The following WDR43 variants were observed in gnomAD, a reference collection of about 807,000 sequenced individuals.
WDR43 encodes WD repeat-containing protein 43.
In WDR43, 13 loss-of-function variants were observed where a neutral mutation model predicts 91.4. That is an observed-to-expected ratio of 0.14 (90% CI 0.09 to 0.23). The LOEUF is 0.23. Ranked by LOEUF, WDR43 falls within the 10% of genes least tolerant of loss-of-function variation. The pLI is 1.00. For synonymous variants in WDR43, 331 were observed against 287.9 expected (o/e 1.15, Z -1.51); for missense variants, 780 against 809.4 (o/e 0.96, Z 0.44).
chr2:28,922,822 TGTAA>T, intron 6 of WDR43, 93 bp from the exon 7 acceptor site: 1 of 444,278 alleles, frequency 2.3e-6, no homozygotes, highest in Non-Finnish European at 3.7e-6. Flanking sequence ...TTTCTGGTTG[TGTAA>T]TGGGGTGGGA....
chr2:28,921,941 C>T (rs1017647392), intron 6 of WDR43, among the ~76,000 whole-genome samples: 9 of 152,126 alleles, frequency 5.9e-5, no homozygotes, highest in Admixed American at 5.9e-4. Flanking sequence ...CTCGAACTTC[C>T]AGGCTCTAGC....
chr2:28,906,243 C>G (rs1190476349), intron 2 of WDR43, among the ~76,000 whole-genome samples: 2 of 152,116 alleles, frequency 1.3e-5, no homozygotes, highest in Non-Finnish European at 2.9e-5. Flanking sequence ...CTTTCACATC[C>G]TCTGCCAATG....
chr2:28,913,723 A>G (rs1450383511), intron 4 of WDR43: 1 of 532,244 alleles, frequency 1.9e-6, no homozygotes, highest in Non-Finnish European at 3.7e-6. Flanking sequence ...ATGAGGACCT[A>G]CAATTCCTTG....
intron 5 of WDR43, 45 bp downstream of exon 5, chr2:28,914,253 G>A (rs1200326540): frequency 6.3e-7 from 1 of 1,581,210 alleles, no homozygotes; most frequent in Non-Finnish European, 8.6e-7. Context: ...GAAAGAATCT[G>A]TCAGAGCTTA....
chr2:28,944,704 C>T (rs1480523368), intron 16 of WDR43, among the ~76,000 whole-genome samples: 1 of 152,182 alleles, frequency 6.6e-6, no homozygotes, highest in African/African-American at 2.4e-5. Context: ...TGTGTAGCAT[C>T]GTGTAATTGT....
chr2:28,935,903 T>C (rs1671329735), intron 12 of WDR43, among the ~76,000 whole-genome samples: 2 of 152,180 alleles, frequency 1.3e-5, no homozygotes, highest in Admixed American at 6.5e-5. Context: ...GTACAGGATA[T>C]CATCTACATG....
intron 16 of WDR43, 143 bp from the exon 17 acceptor site, chr2:28,946,307 A>G: frequency 1.1e-6 from 1 of 917,698 alleles, no homozygotes; most frequent in Non-Finnish European, 1.5e-6. Flanking sequence ...AAATAATAAA[A>G]TAATGTTATT....
intron 16 of WDR43, among the ~76,000 whole-genome samples, chr2:28,944,030 G>C (rs1671495384): frequency 6.6e-6 from 1 of 152,302 alleles, no homozygotes; most frequent in African/African-American, 2.4e-5. Context: ...TATGAACAGA[G>C]GACCTGTGGG....
chr2:28,927,495 G>C (rs1399009497), intron 9 of WDR43, 74 bp from the exon 10 acceptor site: 2 of 1,544,818 alleles, frequency 1.3e-6, no homozygotes, highest in Non-Finnish European at 1.8e-6. Context: ...TTTAAAAGCT[G>C]TTTTCTCATT....
In WDR43 at chr2:28,922,943, A is replaced by G; in HGVS notation, c.874A>G (p.Arg292Gly). ...EEPVKLAVVCRDGQVHLFEHI... is the reference protein window; with the variant it reads ...EEPVKLAVVCGDGQVHLFEHI... The stretch of plus-strand genomic sequence containing the variant: ...GCCTGTCAAGTTGGCTGTTGTTTGC[A>G]GAGATGGTCAAGTCCATCTTTTTGA... The change falls in exon 7 of 18, where the codon AGA (arginine) becomes GGA (glycine). Residue 292 changes from arginine to glycine, a missense_variant. Physicochemically the swap from Arg to Gly is moderately radical, Grantham distance 125. Coordinates refer to ENST00000407426, the MANE Select transcript of WDR43 (RefSeq NM_015131.3). The G allele has an allele frequency of 6.2e-7, 1 of 1,612,702 alleles. No homozygotes were observed. The highest frequency in any genetic ancestry group is 1.1e-5 in the South Asian group (1 of 90,750).
rs377668188 is a variant in WDR43 at position 28,922,891 on chromosome 2, T to A, written c.850-28T>A. ...GGGGACTGGAGTATGTTATCCATTATAATACGTTGGTTACATTTTTCTTTT... is the reference window on the plus strand; with the variant it reads ...GGGGACTGGAGTATGTTATCCATTAAAATACGTTGGTTACATTTTTCTTTT... On this transcript the variant is annotated intron_variant, in intron 6 of 17. Transcript: ENST00000407426. 4.1e-5 allele frequency: 66 copies of A among 1,601,090 alleles called. No homozygotes were observed. The African/African-American group carries it at 8.2e-4, about 20-fold the overall frequency.
At chr2:28,895,163 G>T in intron 1 of WDR43, 1 of 354,074 alleles carries the variant, frequency 2.8e-6, no homozygotes, top group Non-Finnish European at 5.0e-6. Context: ...CCTGCCGGCT[G>T]GCCCAATGAG....
intron 7 of WDR43, among the ~76,000 whole-genome samples, chr2:28,923,436 C>T (rs1024983331): frequency 2.6e-5 from 4 of 152,108 alleles, no homozygotes; most frequent in Non-Finnish European, 4.4e-5. Flanking sequence ...CATTTGTGGT[C>T]TGGAGAACCT....
chr2:28,938,602 A>T (rs1463104538), intron 14 of WDR43, among the ~76,000 whole-genome samples: 1 of 151,986 alleles, frequency 6.6e-6, no homozygotes, highest in African/African-American at 2.4e-5. Context: ...GCTTTACTTT[A>T]AGCTTTAAGT....
intron 1 of WDR43, among the ~76,000 whole-genome samples, chr2:28,898,340 CA>C (rs1400244399): frequency 5.3e-5 from 8 of 152,168 alleles, no homozygotes; most frequent in African/African-American, 1.9e-4. Flanking sequence ...TAGGGCAGTT[CA>C]CATGTGCTGT....
chr2:28,897,334 C>T (rs1003543832), intron 1 of WDR43, among the ~76,000 whole-genome samples: 20 of 152,158 alleles, frequency 1.3e-4, no homozygotes, highest in African/African-American at 4.3e-4. Context: ...TTATTAAACC[C>T]TTCCTTTTAT....
intron 14 of WDR43, among the ~76,000 whole-genome samples, chr2:28,939,314 A>C (rs1337240705): frequency 6.6e-6 from 1 of 152,196 alleles, no homozygotes; most frequent in Non-Finnish European, 1.5e-5. Context: ...CAAATGGGGC[A>C]ACACTAATGT....
At chr2:28,923,862 GC>G (rs1419780303) in intron 7 of WDR43, among the ~76,000 whole-genome samples, 1 of 152,122 alleles carries the variant, frequency 6.6e-6, no homozygotes, top group African/African-American at 2.4e-5. Context: ...GACTACCTGG[GC>G]AGTGGCAAAC....
intron 6 of WDR43, among the ~76,000 whole-genome samples, chr2:28,920,992 C>CT (rs1231897224): frequency 2.5e-4 from 37 of 146,460 alleles, no homozygotes; most frequent in African/African-American, 8.3e-4. Context: ...TGAATTTTTA[C>CT]TTTCTCTTTT....
Sources: gnomAD v4.1 joint callset for allele counts (sites outside exome capture counted in the v4.1 genomes callset) on GRCh38, gnomAD v4.1.1 for gene constraint, MANE v1.5 for transcripts, NCBI Gene and HGNC (gene_info 2026-07-23, HGNC 2026-07-21) for gene names.